Variants in ATP5F1C observed in about 807,000 individuals in gnomAD.
ATP5F1C encodes ATP synthase F(1) complex subunit gamma, mitochondrial.
Under a neutral mutation model 37.4 loss-of-function variants are expected in ATP5F1C, and 22 were observed. The ratio of observed to expected loss-of-function variants is 0.59; its 90% CI spans 0.42 to 0.84. ATP5F1C has a LOEUF of 0.84. Ranked by LOEUF, ATP5F1C falls within the 40% of genes least tolerant of loss-of-function variation. The pLI is 0.00. For missense variants in ATP5F1C, 286 were observed against 362.4 expected (o/e 0.79, Z 1.71); for synonymous variants, 121 against 128.0 (o/e 0.95, Z 0.37).
chr10:7,788,846 G>A (rs1196536056), intron 1 of ATP5F1C, among the ~76,000 whole-genome samples: 2 of 151,864 alleles, frequency 1.3e-5, no homozygotes, highest in Non-Finnish European at 2.9e-5. Flanking sequence ...TCTGAGGGTG[G>A]TTTTGGTGCA....
Position 7,797,118 on chromosome 10 carries a change from A to C in ATP5F1C, c.163A>C (p.Lys55Gln). Residue 55 changes from lysine (K) to glutamine (Q), a missense_variant, in exon 3 of 10, where the codon AAA becomes CAA. By Grantham distance (53) the Lys-to-Gln change is moderately conservative. Transcript: ENST00000356708. ...GTCTATGAAAATGGTAGCGGCAGCA[A>C]AATATGCCCGAGCTGAGAGAGAGCT... ...TKSMKMVAAA[K>Q]YARAERELKP... 6.2e-7 allele frequency: 1 copy of C among 1,614,216 alleles called. No homozygotes were observed. The highest frequency in any genetic ancestry group is 8.5e-7 in the Non-Finnish European group (1 of 1,180,030).
chr10:7,801,179 C>CTATTTGCTAATACTTCATT (rs1836358859), intron 6 of ATP5F1C, among the ~76,000 whole-genome samples: 1 of 132,444 alleles, frequency 7.6e-6, no homozygotes, highest in East Asian at 2.0e-4. Flanking sequence ...TATATACCAT[C>CTATTTGCTAATACTTCATT]TATTTTCTAA....
chr10:7,789,371 G>A (rs1836118720), intron 1 of ATP5F1C, among the ~76,000 whole-genome samples: 1 of 152,136 alleles, frequency 6.6e-6, no homozygotes, highest in African/African-American at 2.4e-5. Context: ...AGTAATATAC[G>A]AGATTTTCAG....
At chr10:7,798,609 C>T (rs1008362931) in intron 3 of ATP5F1C, among the ~76,000 whole-genome samples, 2 of 152,174 alleles carry the variant, frequency 1.3e-5, no homozygotes, top group Non-Finnish European at 2.9e-5. Context: ...GGGGTTTCAC[C>T]GTGGTCTTGA....
chr10:7,802,981 C>G, intron 8 of ATP5F1C, 127 bp downstream of exon 8: 1 of 703,100 alleles, frequency 1.4e-6, no homozygotes, highest in South Asian at 1.9e-5. Flanking sequence ...AACTTGCATC[C>G]TAACTCTTAG....
chr10:7,802,436 A>G lies in ATP5F1C; in HGVS notation c.793+11A>G. 4 of 1,605,344 alleles carry G rather than the reference A, an allele frequency of 2.5e-6. No homozygotes were observed. Among genetic ancestry groups the G allele is most frequent in the Non-Finnish European group, 3.4e-6 (4 of 1,176,458 alleles). ...CCAGCAAGAATGCTTGTAAGTACAC[A>G]GTATGGACAGTGCCAGCAGGAGTGC... On this transcript the variant is annotated intron_variant, in intron 7 of 9. Transcript: ENST00000356708.
intron 8 of ATP5F1C, 43 bp downstream of exon 8, chr10:7,802,897 T>C: frequency 6.5e-7 from 1 of 1,533,834 alleles, no homozygotes; most frequent in Non-Finnish European, 8.9e-7. Context: ...TTTTTTTTCC[T>C]CTTGCTGTGT....
Position 7,788,192 on chromosome 10 carries a change from C to T in ATP5F1C, c.-16C>T, listed in dbSNP as rs776649148. 1.2e-6 allele frequency: 2 copies of T among 1,612,968 alleles called. No homozygotes were observed. The highest frequency in any genetic ancestry group is 8.5e-7 in the Non-Finnish European group (1 of 1,179,880). On this transcript the variant is annotated 5_prime_UTR_variant, in exon 1 of 10. Transcript: ENST00000356708. The stretch of plus-strand genomic sequence containing the variant: ...TGAGGCCTGCCTGACCGACCTTCAG[C>T]AGGGCTGTGGCTACCATGTTCTCTC...
chr10:7,805,247 C>T (rs555790194), intron 8 of ATP5F1C, among the ~76,000 whole-genome samples: 28 of 152,306 alleles, frequency 1.8e-4, no homozygotes, highest in African/African-American at 6.7e-4. Context: ...TTGCCATCTA[C>T]CCCATGTTAA....
At chr10:7,801,819 C>T (rs2131072832) in intron 6 of ATP5F1C, among the ~76,000 whole-genome samples, 1 of 152,290 alleles carries the variant, frequency 6.6e-6, no homozygotes, top group Non-Finnish European at 1.5e-5. Flanking sequence ...CAAAATGTTT[C>T]AGATTTTGGA....
chr10:7,802,590 G>A (rs113362630), intron 7 of ATP5F1C, among the ~76,000 whole-genome samples, 165 bp downstream of exon 7: 18 of 152,180 alleles, frequency 1.2e-4, no homozygotes, highest in African/African-American at 4.1e-4. Flanking sequence ...CAAGTACTGT[G>A]AAAAGGTATC....
intron 1 of ATP5F1C, among the ~76,000 whole-genome samples, chr10:7,793,693 C>G (rs186556395): frequency 2.5e-3 from 383 of 152,218 alleles, no homozygotes; most frequent in African/African-American, 8.8e-3. Flanking sequence ...AAACTCATTG[C>G]CAAACCCAAG....
chr10:7,802,344 A>C lies in ATP5F1C; in HGVS notation c.712A>C (p.Ile238Leu), dbSNP rs1357934426. 5 of 1,614,054 alleles carry C rather than the reference A, an allele frequency of 3.1e-6. No homozygotes were observed. Among genetic ancestry groups the C allele is most frequent in the Admixed American group, 1.7e-5 (1 of 59,978 alleles). The stretch of plus-strand genomic sequence containing the variant: ...CCAAGAATACAATCTGGCCAACATC[A>C]TCTACTACTCTCTGAAGGAGTCCAC... ...NYQEYNLANI[I>L]YYSLKESTTS... The change falls in exon 7 of 10, where the codon ATC becomes CTC. Residue 238 changes from isoleucine (I) to leucine (L), a missense_variant. Ile to Leu is a conservative substitution (Grantham distance 5). Coordinates refer to ENST00000356708, the MANE Select transcript of ATP5F1C (RefSeq NM_001001973.3).
intron 2 of ATP5F1C, chr10:7,796,826 C>T (rs910665787): frequency 2.6e-5 from 9 of 349,534 alleles, no homozygotes; most frequent in South Asian, 9.4e-5. Context: ...CCTCGTGATC[C>T]GCCCACCTCA....
At chr10:7,788,936 T>C (rs1055346167) in intron 1 of ATP5F1C, among the ~76,000 whole-genome samples, 1 of 151,782 alleles carries the variant, frequency 6.6e-6, no homozygotes, top group African/African-American at 2.4e-5. Flanking sequence ...GCTGAAACCG[T>C]AACCCTGCAA....
At chr10:7,789,943 T>G (rs903560691) in intron 1 of ATP5F1C, among the ~76,000 whole-genome samples, 1 of 152,250 alleles carries the variant, frequency 6.6e-6, no homozygotes, top group South Asian at 2.1e-4. Context: ...AATCAGCATA[T>G]AAAGGTCCTA....
At chr10:7,796,244 C>T (rs1836235023) in intron 2 of ATP5F1C, 89 bp downstream of exon 2, 9 of 1,210,730 alleles carry the variant, frequency 7.4e-6, no homozygotes, top group South Asian at 4.5e-5. Context: ...TGCTTTAGCC[C>T]ATTGTGTATT....
At chr10:7,790,701 C>A (rs1197438079) in intron 1 of ATP5F1C, among the ~76,000 whole-genome samples, 1 of 152,212 alleles carries the variant, frequency 6.6e-6, no homozygotes, top group East Asian at 1.9e-4. Context: ...GTAGCCAGCC[C>A]TGAAGGGCTG....
rs113047854 is a variant in ATP5F1C at position 7,798,910 on chromosome 10, C to T, written c.224-80C>T. 1.1e-3 allele frequency: 1,432 copies of T among 1,362,252 alleles called. 20 individuals are homozygous for T. In the African/African-American group the frequency reaches 0.019, roughly 18 times the overall value. 84.4% of individuals were successfully genotyped at this position (1,362,252 alleles called of 1,614,324 possible). A position where few individuals can be genotyped will look rare whatever the true frequency, so the allele number is the denominator to read the frequency against. On this transcript the variant is annotated intron_variant, in intron 3 of 9. Coordinates refer to ENST00000356708, the MANE Select transcript of ATP5F1C (RefSeq NM_001001973.3). ...ATTTAAATGCGTATTTTGGAAATAA[C>T]CAACTGCTTTGTAAATTAGAGATTT... is the stretch of plus-strand genomic sequence containing the variant.
Sources: gnomAD v4.1 joint callset for allele counts (sites outside exome capture counted in the v4.1 genomes callset) on GRCh38, gnomAD v4.1.1 for gene constraint, MANE v1.5 for transcripts, NCBI Gene and HGNC (gene_info 2026-07-23, HGNC 2026-07-21) for gene names.